The following ARHGAP32 variants were observed in gnomAD, a reference collection of about 807,000 sequenced individuals.
ARHGAP32 encodes Rho GTPase activating protein 32.
A neutral mutation model predicts 186.5 loss-of-function variants in ARHGAP32; 51 were observed. The ratio of observed to expected loss-of-function variants is 0.27; its 90% CI spans 0.22 to 0.35. ARHGAP32 has a LOEUF of 0.35. ARHGAP32 is among the 10% of genes least tolerant of loss of function. The pLI is 1.00. For missense variants in ARHGAP32, 2,186 were observed against 2,623.5 expected (o/e 0.83, Z 3.64); for synonymous variants, 950 against 964.3 (o/e 0.99, Z 0.27).
At chr11:129,253,970 T>C (rs1027834836) in intron 1 of ARHGAP32, among the ~76,000 whole-genome samples, 2 of 152,140 alleles carry the variant, frequency 1.3e-5, no homozygotes, top group Non-Finnish European at 2.9e-5. Context: ...CTAACTGAAA[T>C]AGGATATAAT....
chr11:129,115,285 A>G (rs1942334848), intron 5 of ARHGAP32, among the ~76,000 whole-genome samples: 1 of 152,152 alleles, frequency 6.6e-6, no homozygotes, highest in South Asian at 2.1e-4. Context: ...CTACAGCAGA[A>G]TTACATCTTA....
chr11:129,239,540 C>G (rs973780209), intron 1 of ARHGAP32, among the ~76,000 whole-genome samples: 1 of 152,020 alleles, frequency 6.6e-6, no homozygotes, highest in Admixed American at 6.6e-5. Flanking sequence ...CTAGAATAAC[C>G]CTCCTAAAAT....
chr11:129,045,474 C>T (rs529971914), intron 10 of ARHGAP32, among the ~76,000 whole-genome samples: 2 of 152,302 alleles, frequency 1.3e-5, no homozygotes, highest in African/African-American at 4.8e-5. Flanking sequence ...CAAACAGATT[C>T]CATTTTACCA....
intron 2 of ARHGAP32, among the ~76,000 whole-genome samples, chr11:129,162,296 A>C (rs1348925809): frequency 6.6e-6 from 1 of 152,172 alleles, no homozygotes; most frequent in African/African-American, 2.4e-5. Context: ...AAAGTATAAT[A>C]ATAAAAAAAT....
intron 6 of ARHGAP32, among the ~76,000 whole-genome samples, chr11:129,080,712 A>ACCAAAC (rs1287421100): frequency 2.6e-5 from 4 of 152,194 alleles, no homozygotes; most frequent in African/African-American, 9.6e-5. Flanking sequence ...ACGAGAACAA[A>ACCAAAC]CCAAACCCAA....
At chr11:129,013,822 T>C (rs1938204694) in intron 11 of ARHGAP32, among the ~76,000 whole-genome samples, 1 of 152,208 alleles carries the variant, frequency 6.6e-6, no homozygotes, top group South Asian at 2.1e-4. Context: ...TCAATATTAC[T>C]AGTTACTACC....
chr11:129,122,987 T>C (rs547290947), intron 5 of ARHGAP32, among the ~76,000 whole-genome samples: 59 of 152,214 alleles, frequency 3.9e-4, no homozygotes, highest in African/African-American at 1.4e-3. Flanking sequence ...GCAAAGTATG[T>C]AGGTTGATGT....
intron 5 of ARHGAP32, among the ~76,000 whole-genome samples, chr11:129,115,240 C>A (rs1942333178): frequency 6.6e-6 from 1 of 152,072 alleles, no homozygotes; most frequent in Non-Finnish European, 1.5e-5. Context: ...TACTTTAAAA[C>A]TACTGAGTTC....
At chr11:129,108,557 G>A (rs553984907) in intron 5 of ARHGAP32, among the ~76,000 whole-genome samples, 52 of 152,254 alleles carry the variant, frequency 3.4e-4, no homozygotes, top group Non-Finnish European at 6.3e-4. Flanking sequence ...ATGACCTTTC[G>A]ATAATGTATA....
At chr11:129,186,744 A>C (rs117251056) in intron 1 of ARHGAP32, among the ~76,000 whole-genome samples, 1,907 of 152,316 alleles carry the variant, frequency 0.013, 24 homozygotes, top group Non-Finnish European at 0.021. Flanking sequence ...AACAAATGGC[A>C]AACAAGCGTA....
intron 11 of ARHGAP32, among the ~76,000 whole-genome samples, chr11:129,015,561 T>G (rs938444377): frequency 6.6e-6 from 1 of 152,196 alleles, no homozygotes; most frequent in African/African-American, 2.4e-5. Flanking sequence ...AGAGAGAACC[T>G]GTATCCTGAA....
intron 1 of ARHGAP32, among the ~76,000 whole-genome samples, chr11:129,165,853 A>G (rs1227795321): frequency 6.6e-6 from 1 of 152,120 alleles, no homozygotes; most frequent in Non-Finnish European, 1.5e-5. Flanking sequence ...CACTATGGAA[A>G]CACAAGCCTC....
chr11:129,049,032 T>C (rs1373242299), intron 10 of ARHGAP32, among the ~76,000 whole-genome samples: 4 of 152,056 alleles, frequency 2.6e-5, no homozygotes, highest in African/African-American at 4.8e-5. Context: ...CTGGATGATC[T>C]TGTATACCGT....
chr11:128,998,454 C>A lies in ARHGAP32; in HGVS notation c.1060G>T (p.Gly354Cys), dbSNP rs756169929. 6.5e-7 allele frequency: 1 copy of A among 1,550,240 alleles called. No homozygotes were observed. ...GTTCGTAAGAACGTAATGAGCTTGC[C>A]GTGCTTTTTAGACACTAAAAATCAA... ...SVPKPVSKKH[G>C]KLITFLRTFM... The change falls in exon 12 of 23, where the codon GGC (glycine) becomes TGC (cysteine). Residue 354 changes from glycine (G) to cysteine (C), a missense_variant. Gly to Cys is a radical substitution (Grantham distance 159, BLOSUM62 -3). Coordinates refer to ENST00000682385, the MANE Select transcript of ARHGAP32 (RefSeq NM_001378024.1).
chr11:129,174,233 C>A (rs147157280), intron 1 of ARHGAP32, among the ~76,000 whole-genome samples: 1 of 152,208 alleles, frequency 6.6e-6, no homozygotes, highest in Non-Finnish European at 1.5e-5. Context: ...GCTTTTCCGA[C>A]GGGCCTAAAA....
intron 2 of ARHGAP32, among the ~76,000 whole-genome samples, chr11:129,131,585 A>T (rs1565437720): frequency 6.6e-6 from 1 of 152,042 alleles, no homozygotes; most frequent in East Asian, 1.9e-4. Flanking sequence ...CTTTTAAGCA[A>T]CCAGATCTCG....
intron 11 of ARHGAP32, among the ~76,000 whole-genome samples, chr11:129,033,925 T>C (rs933244867): frequency 5.3e-5 from 8 of 152,206 alleles, no homozygotes; most frequent in African/African-American, 1.7e-4. Context: ...TTCTGTTCCA[T>C]TGATCTATTG....
At chr11:129,230,574 G>A (rs1216894296) in intron 1 of ARHGAP32, among the ~76,000 whole-genome samples, 1 of 12,890 alleles carries the variant, frequency 7.8e-5, no homozygotes, top group Non-Finnish European at 1.3e-4. Flanking sequence ...AAGCAAACAA[G>A]TTTAGTATAG....
chr11:129,215,007 C>T (rs1346586971), intron 1 of ARHGAP32, among the ~76,000 whole-genome samples: 1 of 152,190 alleles, frequency 6.6e-6, no homozygotes, highest in Non-Finnish European at 1.5e-5. Flanking sequence ...CTGACCCCAG[C>T]CGCTTAGGAA....
Sources: gnomAD v4.1 joint callset for allele counts (sites outside exome capture counted in the v4.1 genomes callset) on GRCh38, gnomAD v4.1.1 for gene constraint, MANE v1.5 for transcripts, NCBI Gene and HGNC (gene_info 2026-07-23, HGNC 2026-07-21) for gene names.